SPATA31A6: variants seen among roughly 807,000 people sequenced by gnomAD.
SPATA31A6 encodes the protein spermatogenesis-associated protein 31A6.
Under a neutral mutation model 11.9 loss-of-function variants are expected in SPATA31A6, and 9 were observed. The observed-to-expected ratio is 0.76, with a 90% CI of 0.46 to 1.32. The LOEUF is 1.32. Ranked by LOEUF, SPATA31A6 falls within the 40% of genes most tolerant of loss-of-function variation. The probability of loss-of-function intolerance (pLI) is 0.00; values close to 1 mark genes in which losing one functional copy is unlikely to be tolerated. For synonymous variants in SPATA31A6, 314 were observed against 572.1 expected (o/e 0.55, Z 6.44); for missense variants, 855 against 1,467.3 (o/e 0.58, Z 6.82).
Position 42,189,208 on chromosome 9 carries a change from G to T in SPATA31A6, c.3506G>T (p.Trp1169Leu), listed in dbSNP as rs777770561. ...FGENIKQFFQWIFSKKKSKPA... is the reference protein window; with the variant it reads ...FGENIKQFFQLIFSKKKSKPA... ...GAAAACATCAAGCAATTTTTTCAGT[G>T]GATTTTTTCAAAGAAAAAAAGCAAG... The change falls in exon 4 of 4, where the codon TGG becomes TTG. Residue 1169 changes from tryptophan (W) to leucine (L), a missense_variant. Trp to Leu is a moderately conservative substitution (Grantham distance 61, BLOSUM62 -2). Transcript: ENST00000332857. 55 of 1,542,294 alleles carry T rather than the reference G, an allele frequency of 3.6e-5. 6 individuals carry two copies. The highest frequency in any genetic ancestry group is 4.7e-5 in the Non-Finnish European group (53 of 1,137,090).
At position 42,186,650 on chromosome 9, in the gene SPATA31A6, C is replaced by G. The variant is rs748225059; in HGVS notation, c.948C>G (p.Ser316Arg). ...PPETCQMEAG[S>R]LFLLSSDGQN... ...AGACCTGTCAGATGGAAGCTGGTAG[C>G]CTGTTTTTGCTCAGCTCTGATGGCC... Residue 316 changes from serine (S) to arginine (R), a missense_variant, in exon 4 of 4, where the codon AGC becomes AGG. Physicochemically the swap from Ser to Arg is moderately radical, Grantham distance 110. Transcript: ENST00000332857. 1.1e-4 allele frequency: 161 copies of G among 1,531,750 alleles called. 28 individuals are homozygous for G. The highest frequency in any genetic ancestry group is 1.4e-4 in the Non-Finnish European group (155 of 1,137,860). 94.9% of individuals were successfully genotyped at this position (1,531,750 alleles called of 1,614,324 possible). A position where few individuals can be genotyped will look rare whatever the true frequency, so the allele number is the denominator to read the frequency against.
At chr9:42,184,561 G>C (rs1409114991) in intron 1 of SPATA31A6, among the ~76,000 whole-genome samples, 1 of 121,228 alleles carries the variant, frequency 8.2e-6, no homozygotes, top group South Asian at 2.8e-4. Context: ...ATGGAGTCTC[G>C]CTCTGTGACG....
At chr9:42,185,169 C>T (rs1159801683) in intron 2 of SPATA31A6, 43 bp downstream of exon 2, 1 of 1,539,566 alleles carries the variant, frequency 6.5e-7, no homozygotes, top group African/African-American at 1.6e-5. Flanking sequence ...TTGATCTCAT[C>T]TGTCCCGGAG....
Position 42,189,492 on chromosome 9 carries a change from A to G in SPATA31A6, c.3790A>G (p.Ser1264Gly), listed in dbSNP as rs1419734119. Residue 1264 changes from serine (S) to glycine (G), a missense_variant, in exon 4 of 4, where the codon AGT becomes GGT. By Grantham distance (56) the Ser-to-Gly change is moderately conservative (BLOSUM62 0). Coordinates refer to ENST00000332857, the MANE Select transcript of SPATA31A6 (RefSeq NM_001145196.1). Reference protein sequence around the residue: ...HGRILSYAASSQQATLKSQGC... With the variant: ...HGRILSYAASGQQATLKSQGC... ...CAGAATACTGAGCTATGCAGCCAGCAGTCAACAAGCCACTCTCAAGAGCCA... is the reference window on the plus strand; with the variant it reads ...CAGAATACTGAGCTATGCAGCCAGCGGTCAACAAGCCACTCTCAAGAGCCA... 11 of 1,559,746 alleles carry G rather than the reference A, an allele frequency of 7.1e-6. 2 individuals carry two copies. The highest frequency in any genetic ancestry group is 1.6e-5 in the African/African-American group (1 of 62,014).
In SPATA31A6 at chr9:42,188,904, C is replaced by G; in HGVS notation, c.3202C>G (p.Leu1068Val). The G allele has an allele frequency of 6.5e-7, 1 of 1,539,794 alleles. No homozygotes were observed. The highest frequency in any genetic ancestry group is 1.2e-5 in the South Asian group (1 of 86,832). Residue 1068 changes from leucine (L) to valine (V), a missense_variant, in exon 4 of 4, where the codon CTA (leucine) becomes GTA (valine). Transcript: ENST00000332857. ...PTGNMRASQE[L>V]HDLMAARRSK... ...TGGGAACATGCGGGCTTCCCAGGAG[C>G]TACATGACCTCATGGCAGCCAGAAG...
At position 42,189,368 on chromosome 9, in the gene SPATA31A6, G is replaced by A. The variant is rs770338146; in HGVS notation, c.3666G>A (p.Ala1222=). The A allele has an allele frequency of 7.1e-5, 110 of 1,540,280 alleles. 4 individuals carry two copies. Among genetic ancestry groups the A allele is most frequent in the Non-Finnish European group, 8.6e-5 (98 of 1,137,018 alleles). ...ACAAGAAAATGTCACTTTGCCATGC[G>A]CACCATGCCTCGAAGGTAAATCAGC... ...MLDKKMSLCH[A]HHASKVNQHK... The change falls in exon 4 of 4, where the codon GCG becomes GCA. Residue 1222 remains alanine (A), a synonymous_variant. Coordinates refer to ENST00000332857, the MANE Select transcript of SPATA31A6 (RefSeq NM_001145196.1).
At position 42,187,124 on chromosome 9, in the gene SPATA31A6, C is replaced by A. The variant is rs200939909; in HGVS notation, c.1422C>A (p.His474Gln). ...TTTTCCAGGCCCAGCCCCTGTCCCA[C>A]CGCCAACCCTTTATTTCATCCACAC... ...PLLFQAQPLS[H>Q]RQPFISSTPQ... Residue 474 changes from histidine to glutamine, a missense_variant, in exon 4 of 4, where the codon CAC (histidine) becomes CAA (glutamine). His to Gln is a conservative substitution (Grantham distance 24). Transcript: ENST00000332857. The A allele has an allele frequency of 2.0e-6, 3 of 1,535,834 alleles. No homozygotes were observed. The highest frequency in any genetic ancestry group is 1.8e-6 in the Non-Finnish European group (2 of 1,136,508).
At chr9:42,184,047 G>C (rs1829396931) in intron 1 of SPATA31A6, among the ~76,000 whole-genome samples, 171 bp downstream of exon 1, 2 of 137,424 alleles carry the variant, frequency 1.5e-5, no homozygotes, top group Admixed American at 1.4e-4. Context: ...GGTAGGGGTA[G>C]ATAGTGTACT....
In SPATA31A6 at chr9:42,186,669, G is replaced by A. The variant is rs779828363; in HGVS notation, c.967G>A (p.Asp323Asn). ...EAGSLFLLSSDGQNVVGIQVT... is the reference protein window; with the variant it reads ...EAGSLFLLSSNGQNVVGIQVT... The stretch of plus-strand genomic sequence containing the variant: ...TGGTAGCCTGTTTTTGCTCAGCTCT[G>A]ATGGCCAGAATGTCGTGGGGATACA... The change falls in exon 4 of 4, where the codon GAT becomes AAT. Residue 323 changes from aspartate (D) to asparagine (N), a missense_variant. Physicochemically the swap from Asp to Asn is conservative, Grantham distance 23. Transcript: ENST00000332857. The A allele has an allele frequency of 2.8e-5, 43 of 1,532,122 alleles. 8 individuals are homozygous for A. The highest frequency in any genetic ancestry group is 3.7e-5 in the Non-Finnish European group (42 of 1,139,164). 94.9% of individuals were successfully genotyped at this position (1,532,122 alleles called of 1,614,324 possible). A position where few individuals can be genotyped will look rare whatever the true frequency, so the allele number is the denominator to read the frequency against.
rs780351067 is a variant in SPATA31A6, at chr9:42,189,180, G to T, written c.3478G>T (p.Gly1160Ter). Reference protein sequence around the residue: ...KKQPPSVSHFGENIKQFFQWI... With the variant: ...KKQPPSVSHF ...ACAGCCTCCTTCAGTAAGCCACTTT[G>T]GAGAAAACATCAAGCAATTTTTTCA... is the stretch of plus-strand genomic sequence containing the variant. Residue 1160 changes from glycine (G) to a stop codon, truncating the protein, a stop_gained, in exon 4 of 4, where the codon GGA becomes TGA. Coordinates refer to ENST00000332857, the MANE Select transcript of SPATA31A6 (RefSeq NM_001145196.1). LOFTEE classifies it low-confidence loss of function (END_TRUNC). The T allele has an allele frequency of 3.9e-6, 6 of 1,543,658 alleles. 2 individuals are homozygous for T. The highest frequency in any genetic ancestry group is 1.1e-5 in the South Asian group (1 of 87,328).
rs780580683 is a variant in SPATA31A6 at position 42,187,086 on chromosome 9, A to G, written c.1384A>G (p.Met462Val). 1 of 1,543,482 alleles carries G rather than the reference A, an allele frequency of 6.5e-7. No individual in the cohort carries two copies. The highest frequency in any genetic ancestry group is 8.8e-7 in the Non-Finnish European group (1 of 1,138,442). The change falls in exon 4 of 4, where the codon ATG (methionine) becomes GTG (valine). Residue 462 changes from methionine (M) to valine (V), a missense_variant. Met to Val is a conservative substitution (Grantham distance 21). Transcript: ENST00000332857. The part of the protein sequence containing the change: ...NVCPIQRETT[M>V]SPLLFQAQPL... ...CTGCCCAATTCAAAGGGAGACTACA[A>G]TGTCCCCACTGCTTTTCCAGGCCCA...
Position 42,183,743 on chromosome 9 carries a change from C to G in SPATA31A6, c.56C>G (p.Pro19Arg). 1.3e-6 allele frequency: 2 copies of G among 1,535,534 alleles called. No homozygotes were observed. The highest frequency in any genetic ancestry group is 3.6e-5 in the Admixed American group (2 of 56,278). ...KLLSASSLNA[P>R]SSTPWVLDIF... The stretch of plus-strand genomic sequence containing the variant: ...CTTAGTGCCTCATCGCTAAACGCCC[C>G]CAGCTCCACACCATGGGTGTTGGAT... Residue 19 changes from proline to arginine, a missense_variant, in exon 1 of 4, where the codon CCC becomes CGC. Pro to Arg is a moderately radical substitution (Grantham distance 103). Coordinates refer to ENST00000332857, the MANE Select transcript of SPATA31A6 (RefSeq NM_001145196.1).
chr9:42,183,815 T>G lies in SPATA31A6; in HGVS notation c.128T>G (p.Leu43Arg). 1 of 1,534,068 alleles carries G rather than the reference T, an allele frequency of 6.5e-7. No individual in the cohort carries two copies. Among genetic ancestry groups the G allele is most frequent in the Non-Finnish European group, 8.8e-7 (1 of 1,138,040 alleles). ...GCCCTGGGGTTCTTCTTCCTATTAC[T>G]CCCCTACTTATCTTACTTCCATTGT... Reference protein sequence around the residue: ...VFALGFFFLLLPYLSYFHCDD... With the variant: ...VFALGFFFLLRPYLSYFHCDD... The change falls in exon 1 of 4, where the codon CTC becomes CGC. Residue 43 changes from leucine to arginine, a missense_variant. Transcript: ENST00000332857.
At position 42,189,502 on chromosome 9, in the gene SPATA31A6, C is replaced by T. The variant is rs1482669447; in HGVS notation, c.3800C>T (p.Ala1267Val). The change falls in exon 4 of 4, where the codon GCC becomes GTC. Residue 1267 changes from alanine to valine, a missense_variant. By Grantham distance (64) the Ala-to-Val change is moderately conservative. Transcript: ENST00000332857. ...ILSYAASSQQ[A>V]TLKSQGCPNR... is the part of the protein sequence containing the mutation. ...AGCTATGCAGCCAGCAGTCAACAAGCCACTCTCAAGAGCCAGGGTTGTCCC... is the reference window on the plus strand; with the variant it reads ...AGCTATGCAGCCAGCAGTCAACAAGTCACTCTCAAGAGCCAGGGTTGTCCC... The T allele has an allele frequency of 6.4e-7, 1 of 1,562,726 alleles. No individual in the cohort carries two copies. Among genetic ancestry groups the T allele is most frequent in the Non-Finnish European group, 8.6e-7 (1 of 1,158,680 alleles).
intron 1 of SPATA31A6, 111 bp downstream of exon 1, chr9:42,183,987 A>G (rs1829395856): frequency 2.0e-6 from 3 of 1,466,718 alleles, no homozygotes; most frequent in African/African-American, 1.6e-5. Flanking sequence ...GAAGTCTCAG[A>G]AGAGACCAGA....
chr9:42,183,903 A>C, intron 1 of SPATA31A6, 27 bp downstream of exon 1: 1 of 1,527,800 alleles, frequency 6.5e-7, no homozygotes, highest in Non-Finnish European at 8.8e-7. Context: ...CCCGACCCAC[A>C]GAGCTTGATT....
chr9:42,184,503 GTTATTTTATTTTATTTTA>G (rs1339653294), intron 1 of SPATA31A6, among the ~76,000 whole-genome samples: 1 of 102,444 alleles, frequency 9.8e-6, no homozygotes, highest in East Asian at 2.7e-4. Context: ...TTATTTGTGT[GTTATTTTATTTTATTTTA>G]TTTTATTTTA....
rs2261048 is a variant in SPATA31A6 at position 42,183,836 on chromosome 9, A to G, written c.149A>G (p.His50Arg). The change falls in exon 1 of 4, where the codon CAT (histidine) becomes CGT (arginine). Residue 50 changes from histidine (H) to arginine (R), a missense_variant. Transcript: ENST00000332857. ...TTACTCCCCTACTTATCTTACTTCC[A>G]TTGTGATGACCCACCCTCACCATCG... Reference protein sequence around the residue: ...FLLLPYLSYFHCDDPPSPSPG... With the variant: ...FLLLPYLSYFRCDDPPSPSPG... 9.4e-4 allele frequency: 1,430 copies of G among 1,529,024 alleles called. 297 individuals carry two copies. Among genetic ancestry groups the G allele is most frequent in the African/African-American group, 3.7e-3 (226 of 61,484 alleles). The allele number at this position is 1,529,024 out of a possible 1,614,324, so 94.7% of individuals were successfully genotyped here.
At position 42,189,345 on chromosome 9, in the gene SPATA31A6, A is replaced by T; in HGVS notation, c.3643A>T (p.Lys1215Ter). ...LMTAVGQMLDKKMSLCHAHHA... is the reference protein window; with the variant it reads ...LMTAVGQMLD ...GACGGCAGTTGGACAAATGCTGGAC[A>T]AGAAAATGTCACTTTGCCATGCGCA... Residue 1215 changes from lysine to a stop codon, truncating the protein, a stop_gained, in exon 4 of 4, where the codon AAG becomes TAG. Transcript: ENST00000332857. LOFTEE classifies it low-confidence loss of function (END_TRUNC). 1 of 1,540,230 alleles carries T rather than the reference A, an allele frequency of 6.5e-7. No homozygotes were observed. The highest frequency in any genetic ancestry group is 1.2e-5 in the South Asian group (1 of 85,044).
Sources: allele counts gnomAD v4.1 joint callset (sites outside exome capture counted in the v4.1 genomes callset), GRCh38; gene constraint gnomAD v4.1.1; transcripts MANE v1.5; gene names NCBI Gene and HGNC (gene_info 2026-07-23, HGNC 2026-07-21).